Variants in TAS2R1 observed in about 807,000 individuals in gnomAD.
TAS2R1 encodes taste 2 receptor member 1.
For synonymous variants in TAS2R1, 141 were observed against 134.2 expected (o/e 1.05, Z -0.35); for missense variants, 370 against 353.4 (o/e 1.05, Z -0.38).
rs1561363975 is a variant in TAS2R1 at position 9,629,907 on chromosome 5, A to T, written c.126T>A (p.Ala42=). The T allele has an allele frequency of 6.2e-7, 1 of 1,614,078 alleles. No individual in the cohort carries two copies. ...GIDLIKHRKM[A]PLDLLLSCLA... ...GACAAGAAAGAAGGAGATCCAGCGGAGCCATTTTTCTGTGCTTGATCAAGT... is the reference window on the plus strand; with the variant it reads ...GACAAGAAAGAAGGAGATCCAGCGGTGCCATTTTTCTGTGCTTGATCAAGT... The change falls in exon 1 of 1, where the codon GCT becomes GCA. Residue 42 remains alanine (A), a synonymous_variant. Coordinates refer to ENST00000382492, the MANE Select transcript of TAS2R1 (RefSeq NM_019599.3).
chr5:9,895,342 G>A, the TAS2R1 span, among the ~76,000 whole-genome samples: 1,710 of 152,344 alleles, frequency 0.011, 23 homozygotes, highest in African/African-American at 0.03. Context: ...GCACAGTTGT[G>A]AGAGAAAATA....
At chr5:9,784,709 A>G in the TAS2R1 span, among the ~76,000 whole-genome samples, 1 of 152,170 alleles carries the variant, frequency 6.6e-6, no homozygotes, top group Non-Finnish European at 1.5e-5. Flanking sequence ...CCAGAGGAGG[A>G]TCCTTCCTTG....
chr5:9,882,852 A>C, the TAS2R1 span, among the ~76,000 whole-genome samples: 1 of 152,174 alleles, frequency 6.6e-6, no homozygotes, highest in Non-Finnish European at 1.5e-5. Flanking sequence ...AGGAATATAA[A>C]CCATTCTATT....
At chr5:9,696,543 C>A (rs1741359648) in intron 1 of TAS2R1, among the ~76,000 whole-genome samples, 1 of 151,728 alleles carries the variant, frequency 6.6e-6, no homozygotes, top group Admixed American at 6.6e-5. Context: ...GCCTGGGTGA[C>A]AGAGCGAGAT....
chr5:9,727,781 T>C, the TAS2R1 span, among the ~76,000 whole-genome samples: 1 of 152,126 alleles, frequency 6.6e-6, no homozygotes, highest in Non-Finnish European at 1.5e-5. Context: ...CGTGGTCGGC[T>C]TCTTGCTTGA....
the TAS2R1 span, among the ~76,000 whole-genome samples, chr5:9,868,621 T>C: frequency 6.6e-6 from 1 of 152,184 alleles, no homozygotes; most frequent in African/African-American, 2.4e-5. Flanking sequence ...TTTGGAGACA[T>C]TTTCCCCATT....
the TAS2R1 span, among the ~76,000 whole-genome samples, chr5:9,836,762 A>T: frequency 1.3e-5 from 2 of 152,166 alleles, no homozygotes; most frequent in Non-Finnish European, 2.9e-5. Context: ...CTAAAGTCAG[A>T]TCTCAGCCTG....
chr5:9,662,458 G>A (rs1323808219), intron 1 of TAS2R1, among the ~76,000 whole-genome samples: 1 of 152,130 alleles, frequency 6.6e-6, no homozygotes, highest in African/African-American at 2.4e-5. Context: ...GTGGCCTGCA[G>A]GAAATGAAAT....
rs542752869 is a variant in TAS2R1 at position 9,705,843 on chromosome 5, C to T, written c.-242+6329G>A. Among the ~76,000 whole-genome samples, 127 of 151,140 alleles carry T rather than the reference C, an allele frequency of 8.4e-4. 2 individuals carry two copies. In the Middle Eastern group the frequency reaches 0.01, roughly 12 times the overall value. On this transcript the variant is annotated intron_variant, in intron 1 of 2. Transcript: ENST00000506620. ...TGCCATTGCACTCCAGCCTGGGAGA[C>T]AAGAGTGAAACTCCATCCCCCCCCA...
At chr5:9,875,516 G>A in the TAS2R1 span, among the ~76,000 whole-genome samples, 27 of 152,284 alleles carry the variant, frequency 1.8e-4, no homozygotes, top group South Asian at 6.2e-4. Context: ...ACAGCCATGC[G>A]GATCTGTGTT....
the TAS2R1 span, chr5:9,870,369 T>C: frequency 6.6e-6 from 1 of 152,230 alleles, no homozygotes; most frequent in Non-Finnish European, 1.5e-5. Context: ...TTATAAAATA[T>C]CAAAACAAGT....
chr5:9,773,126 T>G, the TAS2R1 span, among the ~76,000 whole-genome samples: 2 of 152,034 alleles, frequency 1.3e-5, no homozygotes, highest in African/African-American at 4.8e-5. Context: ...GGTGACTTTG[T>G]CTGGTGGTGT....
chr5:9,835,916 A>T, the TAS2R1 span, among the ~76,000 whole-genome samples: 1 of 152,206 alleles, frequency 6.6e-6, no homozygotes, highest in African/African-American at 2.4e-5. Context: ...ATCTGAAATG[A>T]GTTAATCATC....
chr5:9,728,645 G>T, the TAS2R1 span, among the ~76,000 whole-genome samples: 103 of 152,340 alleles, frequency 6.8e-4, no homozygotes, highest in African/African-American at 2.4e-3. Context: ...GAGCTGCTGG[G>T]AAGTAGGGGA....
intron 1 of TAS2R1, among the ~76,000 whole-genome samples, chr5:9,675,623 G>T (rs1439091806): frequency 1.3e-5 from 2 of 151,784 alleles, no homozygotes; most frequent in African/African-American, 4.8e-5. Flanking sequence ...CACCATGTTG[G>T]CCAGGATGGT....
chr5:9,775,599 G>C, the TAS2R1 span, among the ~76,000 whole-genome samples: 1 of 152,108 alleles, frequency 6.6e-6, no homozygotes, highest in Non-Finnish European at 1.5e-5. Flanking sequence ...TACTGTCTGG[G>C]GGCTGCTGTT....
chr5:9,682,780 A>C (rs1741018735), intron 1 of TAS2R1, among the ~76,000 whole-genome samples: 1 of 152,184 alleles, frequency 6.6e-6, no homozygotes, highest in Admixed American at 6.5e-5. Flanking sequence ...CTGAGGGTTT[A>C]AAATGCCTCA....
Position 9,629,469 on chromosome 5 carries a change from A to C in TAS2R1, c.564T>G (p.Leu188=). 1 of 1,614,174 alleles carries C rather than the reference A, an allele frequency of 6.2e-7. No homozygotes were observed. Among genetic ancestry groups the C allele is most frequent in the East Asian group, 2.2e-5 (1 of 44,866 alleles). The part of the protein sequence containing the change: ...SFVAEFSVPL[L]IFLFAVLLLI... ...AGAGCAAAACAGCAAAAAGGAAGAT[A>C]AGCAATGGCACTGAGAACTCAGCAA... The change falls in exon 1 of 1, where the codon CTT becomes CTG. Residue 188 remains leucine (L), a synonymous_variant. Transcript: ENST00000382492.
chr5:9,902,228 T>C, the TAS2R1 span, among the ~76,000 whole-genome samples: 42,672 of 151,978 alleles, frequency 0.28, 6,639 homozygotes, highest in Admixed American at 0.43. Context: ...TTCTTATTCA[T>C]AAGTTTATAA....
Sources: allele counts gnomAD v4.1 joint callset (sites outside exome capture counted in the v4.1 genomes callset), GRCh38; gene constraint gnomAD v4.1.1; transcripts MANE v1.5; gene names NCBI Gene and HGNC (gene_info 2026-07-23, HGNC 2026-07-21).